PCDHA11: variants seen among roughly 807,000 people sequenced by gnomAD.
The protein encoded by PCDHA11 is protocadherin alpha-11.
In PCDHA11, 61 loss-of-function variants were observed where a neutral mutation model predicts 70.3. That is an observed-to-expected ratio of 0.87 (90% CI 0.71 to 1.07). The LOEUF (loss-of-function observed/expected upper bound fraction) is 1.07, where lower values mean the gene tolerates loss of function less well. Among genes scored for constraint, PCDHA11 ranks in the 50% least tolerant of loss-of-function variants. The pLI, the probability that PCDHA11 is intolerant of heterozygous loss-of-function variation, is 0.00. For synonymous variants in PCDHA11, 633 were observed against 555.1 expected, an observed-to-expected ratio of 1.14 and a Z score of -1.97; for missense variants, 1,324 against 1,237.5, an observed-to-expected ratio of 1.07 and a Z score of -1.05.
At chr5:140,960,853 T>C (rs1554225072) in intron 1 of PCDHA11, among the ~76,000 whole-genome samples, 2 of 152,214 alleles carry the variant, frequency 1.3e-5, no homozygotes, top group Non-Finnish European at 1.5e-5. Flanking sequence ...ATGGCAACTA[T>C]AAGCCAGAAA....
intron 1 of PCDHA11, among the ~76,000 whole-genome samples, chr5:140,965,277 G>A (rs1209263426): frequency 6.6e-6 from 1 of 152,196 alleles, no homozygotes; most frequent in African/African-American, 2.4e-5. Context: ...CAATGACACA[G>A]CATGGAAAGA....
chr5:140,869,332 G>A lies in PCDHA11; in HGVS notation c.229G>A (p.Val77Ile). The change falls in exon 1 of 4, where the codon GTA (valine) becomes ATA (isoleucine). Residue 77 changes from valine (V) to isoleucine (I), a missense_variant. Transcript: ENST00000398640. ...ASKTHGDLLE[V>I]NLQNGILFVN... Reference sequence around the variant, plus strand: ...CAAAACACATGGGGACCTTCTGGAGGTAAATCTGCAGAATGGCATTTTGTT... The same window carrying A: ...CAAAACACATGGGGACCTTCTGGAGATAAATCTGCAGAATGGCATTTTGTT... 1.9e-6 allele frequency: 3 copies of A among 1,613,960 alleles called. No homozygotes were observed. Among genetic ancestry groups the A allele is most frequent in the Middle Eastern group, 1.7e-4 (1 of 5,946 alleles).
At chr5:140,897,458 G>A (rs191522392) in intron 1 of PCDHA11, among the ~76,000 whole-genome samples, 7 of 151,428 alleles carry the variant, frequency 4.6e-5, no homozygotes, top group African/African-American at 2.4e-5. Context: ...TTGTCCTTGC[G>A]ATAGTTTACT....
chr5:140,927,363 GAT>G (rs1188531316), intron 1 of PCDHA11: 33 of 1,613,946 alleles, frequency 2.0e-5, no homozygotes, highest in Non-Finnish European at 2.7e-5. Context: ...GAAGCAATGG[GAT>G]ACTAAGCTAC....
chr5:140,988,864 C>T (rs1017144453), intron 3 of PCDHA11: 2 of 152,190 alleles, frequency 1.3e-5, no homozygotes, highest in Non-Finnish European at 2.9e-5. Flanking sequence ...GTCTCATGTG[C>T]ACTCAGATGT....
At chr5:140,960,065 C>G (rs953730101) in intron 1 of PCDHA11, among the ~76,000 whole-genome samples, 1 of 152,120 alleles carries the variant, frequency 6.6e-6, no homozygotes, top group Non-Finnish European at 1.5e-5. Flanking sequence ...ACAGAAGATT[C>G]AATTGAAGTT....
Position 140,871,211 on chromosome 5 carries a change from T to A in PCDHA11, c.2108T>A (p.Ile703Asn), listed in dbSNP as rs781784103. ...VDVNVYLIIA[I>N]CVVSSLLVLT... is the part of the protein sequence containing the mutation. ...GTCAACGTGTACCTGATCATCGCCA[T>A]CTGCGTGGTGTCCAGCCTCCTGGTA... The change falls in exon 1 of 4, where the codon ATC (isoleucine) becomes AAC (asparagine). Residue 703 changes from isoleucine to asparagine, a missense_variant. Transcript: ENST00000398640. 1 of 1,613,724 alleles carries A rather than the reference T, an allele frequency of 6.2e-7. No individual in the cohort carries two copies. The highest frequency in any genetic ancestry group is 8.5e-7 in the Non-Finnish European group (1 of 1,179,964).
intron 1 of PCDHA11, among the ~76,000 whole-genome samples, chr5:140,923,974 C>A (rs2081604148): frequency 6.6e-6 from 1 of 152,212 alleles, no homozygotes; most frequent in African/African-American, 2.4e-5. Flanking sequence ...CCCACACATA[C>A]TATCCCTCTA....
chr5:140,965,401 A>G (rs546046699), intron 1 of PCDHA11, among the ~76,000 whole-genome samples: 2 of 152,284 alleles, frequency 1.3e-5, no homozygotes, highest in African/African-American at 4.8e-5. Flanking sequence ...AAGTCTAAGG[A>G]GTCTTATATT....
chr5:140,966,694 C>T, intron 1 of PCDHA11: 1 of 1,358,670 alleles, frequency 7.4e-7, no homozygotes, highest in Non-Finnish European at 9.5e-7. Context: ...GAGGCGGGGC[C>T]CGGGCGTGGG....
chr5:141,002,049 A>G (rs1288460436), intron 3 of PCDHA11, among the ~76,000 whole-genome samples: 1 of 152,228 alleles, frequency 6.6e-6, no homozygotes, highest in Non-Finnish European at 1.5e-5. Flanking sequence ...CTGGGCATCC[A>G]GAGGCAGCAG....
chr5:140,912,261 C>T (rs2075834049), intron 1 of PCDHA11, among the ~76,000 whole-genome samples: 2 of 152,116 alleles, frequency 1.3e-5, no homozygotes, highest in Non-Finnish European at 2.9e-5. Context: ...TTGATGACAC[C>T]CTCACAGATA....
chr5:140,973,406 T>C (rs1205127002), intron 1 of PCDHA11, among the ~76,000 whole-genome samples: 1 of 152,240 alleles, frequency 6.6e-6, no homozygotes, highest in Non-Finnish European at 1.5e-5. Flanking sequence ...ATCTATGAGC[T>C]TCCACTCCAG....
chr5:140,983,429 T>G (rs2097050099), intron 3 of PCDHA11, among the ~76,000 whole-genome samples: 1 of 152,214 alleles, frequency 6.6e-6, no homozygotes, highest in South Asian at 2.1e-4. Flanking sequence ...AGACCACAAA[T>G]TGTGTCTACT....
In PCDHA11 at chr5:140,873,562, T is replaced by C. The variant is rs2054348263; in HGVS notation, c.2391+2068T>C. On this transcript the variant is annotated intron_variant, in intron 1 of 3. Coordinates refer to ENST00000398640, the MANE Select transcript of PCDHA11 (RefSeq NM_018902.5). ...AAAATTATAATTTCAATTTATTTTCTAGTTTGGTTGTTTAAGTATTAAGCT... is the reference window on the plus strand; with the variant it reads ...AAAATTATAATTTCAATTTATTTTCCAGTTTGGTTGTTTAAGTATTAAGCT... Among the ~76,000 whole-genome samples, 7 of 149,812 alleles carry C rather than the reference T, an allele frequency of 4.7e-5. No individual in the cohort carries two copies. In the South Asian group the frequency reaches 1.5e-3, roughly 31 times the overall value.
chr5:140,980,714 G>A (rs958793243), intron 2 of PCDHA11, among the ~76,000 whole-genome samples: 7 of 151,264 alleles, frequency 4.6e-5, no homozygotes, highest in African/African-American at 9.7e-5. Context: ...GCTCCTATTC[G>A]GGTTTCAATT....
intron 2 of PCDHA11, among the ~76,000 whole-genome samples, chr5:140,981,654 A>ATTTCTTCCTTCC (rs563193906): frequency 2.0e-5 from 3 of 152,026 alleles, no homozygotes; most frequent in Non-Finnish European, 2.9e-5. Context: ...GATCCCACTT[A>ATTTCTTCCTTCC]TTTCTTCCTT....
In PCDHA11 at chr5:140,981,687, ATCATTCATTCAT is replaced by A. The variant is rs200213847; in HGVS notation, c.2451-771_2451-760del. Among the ~76,000 whole-genome samples the A allele has an allele frequency of 3.0e-3, 453 of 152,088 alleles. 7 individuals are homozygous for A. In the East Asian group the frequency reaches 0.044, roughly 15 times the overall value. Reference sequence around the variant, plus strand: ...CTTCCTTTCTTCCTTCCTCCCTTCCATCATTCATTCATTCATTCATTCATTCATCCAACAAAT... The same window carrying A: ...CTTCCTTTCTTCCTTCCTCCCTTCCATCATTCATTCATTCATCCAACAAAT... On this transcript the variant is annotated intron_variant, in intron 2 of 3. Transcript: ENST00000398640.
rs530119651 is a variant in PCDHA11, at chr5:140,965,991, T to A, written c.2392-12958T>A. ...CCTAGGAGTTGAGCACTTTCTGCAG[T>A]ACTTAAGAGTGTCCAGGGAAGATGT... On this transcript the variant is annotated intron_variant, in intron 1 of 3. Transcript: ENST00000398640. Among the ~76,000 whole-genome samples, 253 of 152,310 alleles carry A rather than the reference T, an allele frequency of 1.7e-3. 2 individuals carry two copies. Among genetic ancestry groups the A allele is most frequent in the Non-Finnish European group, 2.4e-3 (164 of 68,034 alleles).
Sources: gnomAD v4.1 joint callset for allele counts (sites outside exome capture counted in the v4.1 genomes callset) on GRCh38, gnomAD v4.1.1 for gene constraint, MANE v1.5 for transcripts, NCBI Gene and HGNC (gene_info 2026-07-23, HGNC 2026-07-21) for gene names.